TMEM135: variants seen among roughly 807,000 people sequenced by gnomAD.
The protein encoded by TMEM135 is transmembrane protein 135.
Under a neutral mutation model 60.3 loss-of-function variants are expected in TMEM135, and 30 were observed. The observed-to-expected ratio is 0.50, with a 90% CI of 0.37 to 0.68. The LOEUF (loss-of-function observed/expected upper bound fraction) is 0.68. TMEM135 is among the 30% of genes least tolerant of loss of function. The probability of loss-of-function intolerance (pLI) is 0.00; values close to 1 mark genes in which losing one functional copy is unlikely to be tolerated. For synonymous variants in TMEM135, 190 were observed against 186.7 expected (o/e 1.02, Z -0.14); for missense variants, 468 against 548.8 (o/e 0.85, Z 1.47).
At position 87,198,556 on chromosome 11, in the gene TMEM135, C is replaced by G. The variant is rs181745457; in HGVS notation, c.463-38082C>G. 2.3e-4 allele frequency among the ~76,000 whole-genome samples: 34 copies of G among 146,712 alleles called. No individual in the cohort carries two copies. In the East Asian group the frequency reaches 6.3e-3, roughly 27 times the overall value. On this transcript the variant is annotated intron_variant, in intron 5 of 14. Transcript: ENST00000305494. ...ACTCCTCCCTTCCCTCCTCCCTCCCCTCTCCCCTCCCCTCTCCGCTCCCCT... is the reference window on the plus strand; with the variant it reads ...ACTCCTCCCTTCCCTCCTCCCTCCCGTCTCCCCTCCCCTCTCCGCTCCCCT...
chr11:87,126,614 T>C (rs1937739586), intron 4 of TMEM135, among the ~76,000 whole-genome samples: 1 of 149,850 alleles, frequency 6.7e-6, no homozygotes, highest in African/African-American at 2.4e-5. Context: ...ATATATACTA[T>C]ATGTACATAC....
chr11:87,247,332 C>T (rs1413803511), intron 6 of TMEM135, among the ~76,000 whole-genome samples: 1 of 152,228 alleles, frequency 6.6e-6, no homozygotes, highest in Non-Finnish European at 1.5e-5. Context: ...AGGCAGTCTG[C>T]CCGTTCTCAG....
Position 87,105,231 on chromosome 11 carries a change from C to G in TMEM135, c.396+13836C>G, listed in dbSNP as rs141966946. Among the ~76,000 whole-genome samples the G allele has an allele frequency of 3.7e-3, 560 of 152,314 alleles. 4 individuals carry two copies. The highest frequency in any genetic ancestry group is 0.013 in the African/African-American group (542 of 41,578). ...GGTCCCCAAACCCTGGGCCATGAAC[C>G]TTGTCAGGAATCAGCCTGCAAAACA... On this transcript the variant is annotated intron_variant, in intron 4 of 14. Coordinates refer to ENST00000305494, the MANE Select transcript of TMEM135 (RefSeq NM_022918.4).
intron 6 of TMEM135, among the ~76,000 whole-genome samples, chr11:87,289,022 T>G (rs1455086875): frequency 1.3e-5 from 2 of 152,178 alleles, no homozygotes; most frequent in Non-Finnish European, 2.9e-5. Flanking sequence ...TTTAGATGCT[T>G]ATATTTTTCT....
At chr11:87,252,804 G>A (rs1054409228) in intron 6 of TMEM135, among the ~76,000 whole-genome samples, 7 of 150,226 alleles carry the variant, frequency 4.7e-5, no homozygotes, top group South Asian at 4.2e-4. Flanking sequence ...ATATATGTGT[G>A]TGTGTGTGTG....
chr11:87,212,638 A>G (rs1192684003), intron 5 of TMEM135, among the ~76,000 whole-genome samples: 1 of 151,998 alleles, frequency 6.6e-6, no homozygotes. Context: ...CCTGGGCAAC[A>G]CCGCAAAACC....
At chr11:87,275,346 T>C (rs1941949148) in intron 6 of TMEM135, among the ~76,000 whole-genome samples, 1 of 152,174 alleles carries the variant, frequency 6.6e-6, no homozygotes, top group East Asian at 1.9e-4. Flanking sequence ...ACTTAAGTGC[T>C]AGCAACCATT....
intron 5 of TMEM135, among the ~76,000 whole-genome samples, chr11:87,230,326 T>A (rs191239754): frequency 3.8e-4 from 58 of 152,182 alleles, no homozygotes; most frequent in South Asian, 3.5e-3. Context: ...AAACTTTTTT[T>A]AAAAAAAGTG....
intron 7 of TMEM135, among the ~76,000 whole-genome samples, chr11:87,297,788 T>A (rs1197774486): frequency 6.6e-6 from 1 of 152,248 alleles, no homozygotes; most frequent in African/African-American, 2.4e-5. Flanking sequence ...TGTTAACTAT[T>A]GTGAATGGTC....
At chr11:87,286,612 C>A (rs570882000) in intron 6 of TMEM135, among the ~76,000 whole-genome samples, 1 of 152,180 alleles carries the variant, frequency 6.6e-6, no homozygotes. Flanking sequence ...TGGGAGCACA[C>A]CACGGGGTGG....
intron 6 of TMEM135, among the ~76,000 whole-genome samples, chr11:87,237,691 A>G (rs1591127049): frequency 6.6e-6 from 1 of 151,808 alleles, no homozygotes; most frequent in South Asian, 2.1e-4. Context: ...TCCAATTTAC[A>G]CTCTTAGTTA....
In TMEM135 at chr11:87,241,147, C is replaced by T. The variant is rs144247203; in HGVS notation, c.509+4463C>T. ...GATTTAGTTTATCTATTTAAGAAAA[C>T]CAGACTATTTATTGGCTGGACAACC... On this transcript the variant is annotated intron_variant, in intron 6 of 14. Coordinates refer to ENST00000305494, the MANE Select transcript of TMEM135 (RefSeq NM_022918.4). 6.4e-3 allele frequency among the ~76,000 whole-genome samples: 966 copies of T among 151,156 alleles called. 6 individuals carry two copies. The highest frequency in any genetic ancestry group is 0.024 in the Middle Eastern group (7 of 292).
At chr11:87,060,646 C>A (rs1184718745) in intron 1 of TMEM135, among the ~76,000 whole-genome samples, 1 of 132,352 alleles carries the variant, frequency 7.6e-6, no homozygotes, top group Non-Finnish European at 1.5e-5. Context: ...TTTTTTCTTT[C>A]CTTTTTTTTT....
chr11:87,328,424 A>G lies in TMEM135; in HGVS notation c.*7091A>G, dbSNP rs1405727807. 2.0e-5 allele frequency: 9 copies of G among 453,980 alleles called. No homozygotes were observed. Among genetic ancestry groups the G allele is most frequent in the South Asian group, 1.4e-4 (9 of 64,476 alleles). The allele number at this position is 453,980 out of a possible 1,614,324, so 28.1% of individuals were successfully genotyped here. A position where few individuals can be genotyped will look rare whatever the true frequency, so the allele number is the denominator to read the frequency against. On this transcript the variant is annotated 3_prime_UTR_variant, in exon 15 of 15. Transcript: ENST00000305494. ...TTTTGGTTGCATGGATGAATTGTAT[A>G]TTGGTGAAGTCTGAAATTTTAGTGC...
At position 87,291,914 on chromosome 11, in the gene TMEM135, T is replaced by C. The variant is rs1942272805; in HGVS notation, c.510-3868T>C. Among the ~76,000 whole-genome samples, 6 of 152,314 alleles carry C rather than the reference T, an allele frequency of 3.9e-5. No individual in the cohort carries two copies. In the South Asian group the frequency reaches 1.0e-3, roughly 26 times the overall value. Reference sequence around the variant, plus strand: ...ATGAGAACCTCCCAAAGTTCTTACGTTGCCTAAAGGGCTTATGTGGAATGT... The same window carrying C: ...ATGAGAACCTCCCAAAGTTCTTACGCTGCCTAAAGGGCTTATGTGGAATGT... On this transcript the variant is annotated intron_variant, in intron 6 of 14. Coordinates refer to ENST00000305494, the MANE Select transcript of TMEM135 (RefSeq NM_022918.4).
Position 87,091,414 on chromosome 11 carries a change from C to A in TMEM135, c.396+19C>A. ...CAACTTGGTAAGTATTTTGTTTTAA[C>A]CTTTGATGTCTTCCCATAAGCTATA... On this transcript the variant is annotated intron_variant, in intron 4 of 14. Transcript: ENST00000305494. 1 of 1,609,812 alleles carries A rather than the reference C, an allele frequency of 6.2e-7. No homozygotes were observed. The highest frequency in any genetic ancestry group is 8.5e-7 in the Non-Finnish European group (1 of 1,177,034).
intron 1 of TMEM135, among the ~76,000 whole-genome samples, chr11:87,045,487 A>C (rs1949788332): frequency 6.6e-6 from 1 of 151,400 alleles, no homozygotes; most frequent in African/African-American, 2.5e-5. Context: ...GCTAACTCTG[A>C]GTAGAGCAGG....
intron 6 of TMEM135, among the ~76,000 whole-genome samples, chr11:87,269,494 C>A (rs1007816844): frequency 2.3e-4 from 35 of 151,850 alleles, no homozygotes; most frequent in East Asian, 1.6e-3. Context: ...ATCCCTCCCC[C>A]CTCCTCCCAC....
chr11:87,310,677 T>C (rs1251106250), intron 10 of TMEM135, among the ~76,000 whole-genome samples: 2 of 150,472 alleles, frequency 1.3e-5, no homozygotes, highest in Non-Finnish European at 3.0e-5. Flanking sequence ...GGAATGACCA[T>C]GTGAGGACAC....
Sources: gnomAD v4.1 joint callset for allele counts (sites outside exome capture counted in the v4.1 genomes callset) on GRCh38, gnomAD v4.1.1 for gene constraint, MANE v1.5 for transcripts, NCBI Gene and HGNC (gene_info 2026-07-23, HGNC 2026-07-21) for gene names.